The following ELP1 variants were observed in gnomAD, a reference collection of about 807,000 sequenced individuals.
ELP1 encodes elongator complex protein 1.
In ELP1, 131 loss-of-function variants were observed where a neutral mutation model predicts 183.2. The observed-to-expected ratio is 0.72, with a 90% CI of 0.62 to 0.83. ELP1 has a LOEUF of 0.83. ELP1 is among the 40% of genes least tolerant of loss of function. The pLI, the probability that ELP1 is intolerant of heterozygous loss-of-function variation, is 0.00. For synonymous variants in ELP1, 555 were observed against 569.0 expected (o/e 0.98, Z 0.35); for missense variants, 1,550 against 1,594.9 (o/e 0.97, Z 0.48).
chr9:108,919,613 G>A (rs553975381), intron 6 of ELP1, among the ~76,000 whole-genome samples: 2 of 149,170 alleles, frequency 1.3e-5, no homozygotes, highest in African/African-American at 4.9e-5. Flanking sequence ...AAGAGGAAAA[G>A]AGCTACAGAT....
intron 33 of ELP1, 52 bp from the exon 34 acceptor site, chr9:108,878,802 A>G (rs770093746): frequency 3.6e-5 from 58 of 1,600,406 alleles, no homozygotes; most frequent in Non-Finnish European, 1.7e-6. Context: ...CTAGGACTAC[A>G]GGCATGTGCT....
chr9:108,911,274 G>T, intron 11 of ELP1, 94 bp from the exon 12 acceptor site: 1 of 1,168,154 alleles, frequency 8.6e-7, no homozygotes, highest in Non-Finnish European at 1.3e-6. Context: ...AACAATAATG[G>T]CAATTCACAA....
rs367795801 is a variant in ELP1 at position 108,869,153 on chromosome 9, T to A, written c.3961A>T (p.Asn1321Tyr). The change falls in exon 37 of 37, where the codon AAC (asparagine) becomes TAC (tyrosine). Residue 1321 changes from asparagine to tyrosine, a missense_variant. Coordinates refer to ENST00000374647, the MANE Select transcript of ELP1 (RefSeq NM_003640.5). ...CTCAGCTTCCACTGGGTTCTTCTGT[T>A]GATCTTTGGTGGTATAAAAAGCTCA... is the stretch of plus-strand genomic sequence containing the variant. ...DAELFIPPKI[N>Y]RRTQWKLSLL... 18 of 1,614,080 alleles carry A rather than the reference T, an allele frequency of 1.1e-5. No homozygotes were observed. Among genetic ancestry groups the A allele is most frequent in the Non-Finnish European group, 1.4e-5 (17 of 1,180,038 alleles).
In ELP1 at chr9:108,881,750, T is replaced by G. The variant is rs1220364301; in HGVS notation, c.3301A>C (p.Arg1101=). 6.4e-7 allele frequency: 1 copy of G among 1,571,788 alleles called. No individual in the cohort carries two copies. The change falls in exon 31 of 37, where the codon AGA becomes CGA. Residue 1101 remains arginine, a synonymous_variant. Coordinates refer to ENST00000374647, the MANE Select transcript of ELP1 (RefSeq NM_003640.5). ...EALRLVYKYN[R]LDIIETNVKP... ...ACGTTGGTTTCTATAATATCCAGTC[T>G]GTTATATTTGTATACCTAGAAGGAA...
At chr9:108,871,524 C>CT (rs1178122633) in intron 36 of ELP1, among the ~76,000 whole-genome samples, 2 of 152,180 alleles carry the variant, frequency 1.3e-5, no homozygotes, top group African/African-American at 4.8e-5. Context: ...TGGTGTTAAT[C>CT]TTTTCCCTTC....
chr9:108,926,184 C>A (rs577809614), intron 5 of ELP1, among the ~76,000 whole-genome samples: 1 of 152,204 alleles, frequency 6.6e-6, no homozygotes, highest in East Asian at 1.9e-4. Context: ...GTAACAAAAA[C>A]CAGCCTTCTA....
Position 108,927,435 on chromosome 9 carries a change from C to T in ELP1, c.322G>A (p.Val108Ile), listed in dbSNP as rs192047457. Residue 108 changes from valine to isoleucine, a missense_variant, in exon 4 of 37, where the codon GTA (valine) becomes ATA (isoleucine). Transcript: ENST00000374647. The part of the protein sequence containing the change: ...STQQLECVGS[V>I]ASGISVMSWS... ...CTCATAACAGAGATACCACTGGCTA[C>T]ACTCCCAACACACTCCAGCTGAGAC... 228 of 1,613,628 alleles carry T rather than the reference C, an allele frequency of 1.4e-4. 2 individuals carry two copies. In the East Asian group the frequency reaches 5.0e-3, roughly 35 times the overall value.
In ELP1 at chr9:108,901,789, T is replaced by C. The variant is rs773837884; in HGVS notation, c.1855-108A>G. ...CCCTATGATTTCACACCTAAGTTCC[T>C]GTAATCAGGACTAAAGATAGATACC... is the stretch of plus-strand genomic sequence containing the variant. On this transcript the variant is annotated intron_variant, in intron 16 of 36. Transcript: ENST00000374647. The C allele has an allele frequency of 5.6e-4, 591 of 1,064,650 alleles. 1 individual carries two copies. The highest frequency in any genetic ancestry group is 7.6e-4 in the Non-Finnish European group (531 of 697,006). 66.0% of individuals were successfully genotyped at this position (1,064,650 alleles called of 1,614,324 possible).
At chr9:108,913,056 G>A (rs1350066882) in intron 10 of ELP1, among the ~76,000 whole-genome samples, 2 of 152,038 alleles carry the variant, frequency 1.3e-5, no homozygotes, top group African/African-American at 2.4e-5. Flanking sequence ...CACCGTGCCT[G>A]GCCCACATGT....
At chr9:108,896,436 T>G in intron 25 of ELP1, 60 bp downstream of exon 25, 2 of 1,515,458 alleles carry the variant, frequency 1.3e-6, no homozygotes, top group Admixed American at 1.7e-5. Flanking sequence ...AGAAGCAGGG[T>G]TTCACACTAT....
At chr9:108,917,398 CG>C in intron 9 of ELP1, 148 bp downstream of exon 9, 1 of 702,758 alleles carries the variant, frequency 1.4e-6, no homozygotes, top group Non-Finnish European at 2.4e-6. Flanking sequence ...ACCTAGGAGG[CG>C]GAGGTTGCAG....
intron 18 of ELP1, among the ~76,000 whole-genome samples, chr9:108,900,833 CAT>C (rs1412462184): frequency 1.1e-5 from 1 of 91,646 alleles, no homozygotes; most frequent in Non-Finnish European, 2.1e-5. Flanking sequence ...GCCACACACA[CAT>C]ACACGCCACA....
In ELP1 at chr9:108,911,893, T is replaced by C. The variant is rs553807552; in HGVS notation, c.1189+371A>G. Among the ~76,000 whole-genome samples the C allele has an allele frequency of 9.2e-5, 14 of 152,156 alleles. No homozygotes were observed. In the South Asian group the frequency reaches 1.0e-3, roughly 11 times the overall value. ...GTATCAGGAAACAAAGCAACACAAG[T>C]GGGGTGGTATAAGGGTCAATTATAA... On this transcript the variant is annotated intron_variant, in intron 11 of 36. Transcript: ENST00000374647.
intron 22 of ELP1, among the ~76,000 whole-genome samples, chr9:108,897,490 C>T (rs1389686286): frequency 6.6e-6 from 1 of 152,122 alleles, no homozygotes; most frequent in Non-Finnish European, 1.5e-5. Flanking sequence ...TAGCCCCAAA[C>T]AGGGTAGTAC....
intron 14 of ELP1, among the ~76,000 whole-genome samples, chr9:108,905,638 G>A (rs1022264914): frequency 2.0e-5 from 3 of 152,116 alleles, no homozygotes; most frequent in Non-Finnish European, 4.4e-5. Context: ...ATCATTTAAC[G>A]ATGGGGATAC....
At chr9:108,921,168 T>A (rs1829631494) in intron 6 of ELP1, among the ~76,000 whole-genome samples, 1 of 152,176 alleles carries the variant, frequency 6.6e-6, no homozygotes, top group Non-Finnish European at 1.5e-5. Flanking sequence ...TTAAAGTATA[T>A]TTACAAAGTT....
intron 36 of ELP1, among the ~76,000 whole-genome samples, chr9:108,874,643 C>A (rs564473772): frequency 6.6e-6 from 1 of 152,128 alleles, no homozygotes; most frequent in Non-Finnish European, 1.5e-5. Flanking sequence ...CAAGCATATG[C>A]CACATAAATA....
rs900790613 is a variant in ELP1, at chr9:108,910,901, A to C, written c.1360+109T>G. 95 of 961,342 alleles carry C rather than the reference A, an allele frequency of 9.9e-5. No homozygotes were observed. In the Middle Eastern group the frequency reaches 1.7e-3, roughly 18 times the overall value. The allele number at this position is 961,342 out of a possible 1,614,324, so 59.6% of individuals were successfully genotyped here. ...ATAATGATATCAACTGCAGACTTAA[A>C]AATTTTGAGAAACACTAGACCTATG... On this transcript the variant is annotated intron_variant, in intron 12 of 36. Transcript: ENST00000374647.
rs550758422 is a variant in ELP1, at chr9:108,927,212, C to T, written c.385+160G>A. Reference sequence around the variant, plus strand: ...TCACTCTACGTTTTATATATATATACACACACACATACATAATTGGTATTA... The same window carrying T: ...TCACTCTACGTTTTATATATATATATACACACACATACATAATTGGTATTA... On this transcript the variant is annotated intron_variant, in intron 4 of 36. Coordinates refer to ENST00000374647, the MANE Select transcript of ELP1 (RefSeq NM_003640.5). 9.2e-5 allele frequency among the ~76,000 whole-genome samples: 14 copies of T among 152,098 alleles called. No homozygotes were observed. In the East Asian group the frequency reaches 1.2e-3, roughly 13 times the overall value.
Sources: gnomAD v4.1 joint callset for allele counts (sites outside exome capture counted in the v4.1 genomes callset) on GRCh38, gnomAD v4.1.1 for gene constraint, MANE v1.5 for transcripts, NCBI Gene and HGNC (gene_info 2026-07-23, HGNC 2026-07-21) for gene names.